The following TRPM7 variants were observed in gnomAD, a reference collection of about 807,000 sequenced individuals.
TRPM7 encodes LTRPC ion channel family member 7.
Under a neutral mutation model 229.7 loss-of-function variants are expected in TRPM7, and 134 were observed. The ratio of observed to expected loss-of-function variants is 0.58; its 90% confidence interval spans 0.51 to 0.67. TRPM7 has a LOEUF of 0.67. Ranked by LOEUF, TRPM7 falls within the 30% of genes least tolerant of loss-of-function variation. The pLI is 0.00. For missense variants in TRPM7, 1,901 were observed against 2,210.0 expected, an observed-to-expected ratio of 0.86 and a Z score of 2.80; for synonymous variants, 699 against 715.2, an observed-to-expected ratio of 0.98 and a Z score of 0.36.
At chr15:50,629,263 G>A (rs1215371141) in intron 10 of TRPM7, among the ~76,000 whole-genome samples, 1 of 140,338 alleles carries the variant, frequency 7.1e-6, no homozygotes, top group African/African-American at 2.8e-5. Context: ...GCCATGGAGA[G>A]GGGAGTTTCC....
intron 11 of TRPM7, among the ~76,000 whole-genome samples, chr15:50,626,970 T>C (rs1363894799): frequency 6.6e-6 from 1 of 152,164 alleles, no homozygotes; most frequent in African/African-American, 2.4e-5. Flanking sequence ...TTGCCACAAT[T>C]AAGATCATAC....
chr15:50,601,504 T>C (rs955195145), intron 21 of TRPM7, among the ~76,000 whole-genome samples: 12 of 152,064 alleles, frequency 7.9e-5, no homozygotes, highest in Non-Finnish European at 2.9e-5. Context: ...TAGCCGGGCA[T>C]GGTGGCGCAC....
intron 10 of TRPM7, among the ~76,000 whole-genome samples, chr15:50,629,215 A>G (rs1418520531): frequency 7.4e-6 from 1 of 135,208 alleles, no homozygotes; most frequent in Non-Finnish European, 1.6e-5. Context: ...TCTACCATCC[A>G]CCATGGGAGG....
intron 10 of TRPM7, 58 bp from the exon 11 acceptor site, chr15:50,628,307 G>A: frequency 7.8e-7 from 1 of 1,288,874 alleles, no homozygotes; most frequent in African/African-American, 1.5e-5. Flanking sequence ...ATTAAAAGGT[G>A]AACACTTTTT....
chr15:50,661,657 A>G (rs2061727555), intron 2 of TRPM7, among the ~76,000 whole-genome samples: 1 of 152,212 alleles, frequency 6.6e-6, no homozygotes, highest in African/African-American at 2.4e-5. Context: ...ATATAAAGAG[A>G]TATCAGTTAG....
intron 36 of TRPM7, among the ~76,000 whole-genome samples, chr15:50,571,141 A>G (rs2053865731): frequency 6.6e-6 from 1 of 152,228 alleles, no homozygotes; most frequent in African/African-American, 2.4e-5. Flanking sequence ...AAAATCTAAT[A>G]AAATGGTTCA....
chr15:50,633,044 G>C (rs1334332349), intron 8 of TRPM7, 52 bp from the exon 9 acceptor site: 1 of 1,516,906 alleles, frequency 6.6e-7, no homozygotes, highest in Non-Finnish European at 8.8e-7. Context: ...TTATTTGTAG[G>C]ATCAATATGA....
chr15:50,593,726 G>A lies in TRPM7; in HGVS notation c.3499C>T (p.Gln1167Ter). 6.2e-7 allele frequency: 1 copy of A among 1,608,852 alleles called. No homozygotes were observed. The change falls in exon 25 of 39, where the codon CAA (glutamine) becomes TAA (stop). Residue 1167 changes from glutamine to a stop codon, truncating the protein, a stop_gained. Transcript: ENST00000646667. LOFTEE classifies it high-confidence loss of function. ...GPKLFLTEED[Q>*]KKLHDFEEQC... ...TCTTCAAAATCATGAAGTTTCTTTT[G>A]ATCTTCTTCTGTTAAGAAAAGTTCT...
intron 5 of TRPM7, among the ~76,000 whole-genome samples, chr15:50,640,452 T>TC (rs1018282778): frequency 1.4e-5 from 2 of 145,528 alleles, no homozygotes; most frequent in African/African-American, 5.2e-5. Context: ...AATTTTTTTT[T>TC]CTTTTTTTTT....
chr15:50,613,454 A>G (rs569581053), intron 15 of TRPM7, among the ~76,000 whole-genome samples: 37 of 141,512 alleles, frequency 2.6e-4, no homozygotes, highest in Non-Finnish European at 5.0e-4. Context: ...GTGAGCCAAA[A>G]TTGTGCCACT....
At chr15:50,665,607 AAT>A (rs1175954527) in intron 1 of TRPM7, among the ~76,000 whole-genome samples, 1 of 152,116 alleles carries the variant, frequency 6.6e-6, no homozygotes, top group Non-Finnish European at 1.5e-5. Context: ...AGAAGTGAAT[AAT>A]AGTGAAAATT....
chr15:50,642,076 A>G (rs767973832), intron 5 of TRPM7, among the ~76,000 whole-genome samples: 1 of 152,166 alleles, frequency 6.6e-6, no homozygotes, highest in Non-Finnish European at 1.5e-5. Context: ...TAGACAATGA[A>G]AGTAATCTGC....
At position 50,686,433 on chromosome 15, in the gene TRPM7, A is replaced by G. The variant is rs950510360; in HGVS notation, c.3+98T>C. ...AGGCAATTCGAGGGTCCTTCGCCGC[A>G]TGGAACGCGGCTCCCCACACACTTG... On this transcript the variant is annotated intron_variant, in intron 1 of 38. Transcript: ENST00000646667. 3.5e-5 allele frequency: 56 copies of G among 1,597,796 alleles called. No homozygotes were observed. The African/African-American group carries it at 5.4e-4, about 15-fold the overall frequency.
intron 13 of TRPM7, 78 bp downstream of exon 13, chr15:50,619,667 G>T: frequency 2.6e-6 from 3 of 1,168,450 alleles, no homozygotes; most frequent in Non-Finnish European, 2.4e-6. Flanking sequence ...GTATTTAAAT[G>T]ATTTTTTTTT....
chr15:50,626,201 A>G (rs2060554234), intron 11 of TRPM7, among the ~76,000 whole-genome samples: 1 of 152,116 alleles, frequency 6.6e-6, no homozygotes, highest in South Asian at 2.1e-4. Context: ...TATATACTGA[A>G]ATATTTATTT....
chr15:50,570,870 C>G (rs1443917818), intron 36 of TRPM7, among the ~76,000 whole-genome samples: 1 of 150,724 alleles, frequency 6.6e-6, no homozygotes, highest in African/African-American at 2.4e-5. Flanking sequence ...AAAACAAAAA[C>G]AAAAACAAAA....
At chr15:50,575,159 T>C in intron 33 of TRPM7, 24 bp from the exon 34 acceptor site, 1 of 1,533,840 alleles carries the variant, frequency 6.5e-7, no homozygotes, top group African/African-American at 1.4e-5. Context: ...GGAAAAAGTT[T>C]AAGATTAAAT....
At chr15:50,623,955 A>G (rs906503197) in intron 12 of TRPM7, among the ~76,000 whole-genome samples, 10 of 152,110 alleles carry the variant, frequency 6.6e-5, no homozygotes, top group African/African-American at 2.4e-4. Flanking sequence ...TAATAGCCCT[A>G]TGTGGTTATG....
chr15:50,584,850 T>C lies in TRPM7; in HGVS notation c.4486+1542A>G, dbSNP rs117450452. On this transcript the variant is annotated intron_variant, in intron 28 of 38. Transcript: ENST00000646667. ...GAGAATTCTTTTTCTTCCCTCCTAA[T>C]CCTTCTACCATTTCTTTCTCTTTTT... Among the ~76,000 whole-genome samples, 109 of 152,080 alleles carry C rather than the reference T, an allele frequency of 7.2e-4. 3 individuals carry two copies. The East Asian group carries it at 0.02, about 27-fold the overall frequency.
Sources: allele counts gnomAD v4.1 joint callset (sites outside exome capture counted in the v4.1 genomes callset), GRCh38; gene constraint gnomAD v4.1.1; transcripts MANE v1.5; gene names NCBI Gene and HGNC (gene_info 2026-07-23, HGNC 2026-07-21).